The following STAT5A variants were observed in gnomAD, a reference collection of about 807,000 sequenced individuals.
STAT5A encodes the protein signal transducer and activator of transcription 5A.
In STAT5A, 26 loss-of-function variants were observed where a neutral mutation model predicts 100.2. The ratio of observed to expected loss-of-function variants is 0.26; its 90% CI spans 0.19 to 0.36. The LOEUF is 0.36. Ranked by LOEUF, STAT5A falls within the 10% of genes least tolerant of loss-of-function variation. The pLI, the probability that STAT5A is intolerant of heterozygous loss-of-function variation, is 1.00. For missense variants in STAT5A, 634 were observed against 1,027.5 expected, an observed-to-expected ratio of 0.62 and a Z score of 5.24; for synonymous variants, 330 against 424.3, an observed-to-expected ratio of 0.78 and a Z score of 2.73.
In STAT5A at chr17:42,307,396, C is replaced by T; in HGVS notation, c.1681-6C>T. ...AGCCCTGACTCGGGGGTTCCTGGGC[C>T]CTCAGGAGAACTTGCCGGGCTGGAA... On this transcript the variant is annotated splice_polypyrimidine_tract_variant and splice_region_variant and intron_variant, in intron 13 of 18. Transcript: ENST00000590949. 5 of 1,613,248 alleles carry T rather than the reference C, an allele frequency of 3.1e-6. No individual in the cohort carries two copies. Among genetic ancestry groups the T allele is most frequent in the Non-Finnish European group, 4.2e-6 (5 of 1,179,650 alleles).
At chr17:42,291,935 G>C (rs1235886308) in intron 3 of STAT5A, 37 bp from the exon 4 acceptor site, 1 of 1,608,984 alleles carries the variant, frequency 6.2e-7, no homozygotes, top group East Asian at 2.2e-5. Flanking sequence ...GGCTGGAGCA[G>C]AGGATGGCGC....
In STAT5A at chr17:42,289,462, G is replaced by T. The variant is rs2080847918; in HGVS notation, c.51G>T (p.Gln17His). 3 of 1,612,978 alleles carry T rather than the reference G, an allele frequency of 1.9e-6. No individual in the cohort carries two copies. The highest frequency in any genetic ancestry group is 1.3e-5 in the African/African-American group (1 of 74,946). ...AQQLQGDALR[Q>H]MQVLYGQHFP... Reference sequence around the variant, plus strand: ...AGCTGCAGGGAGACGCGCTGCGCCAGATGCAGGTGCTGTACGGCCAGCACT... The same window carrying T: ...AGCTGCAGGGAGACGCGCTGCGCCATATGCAGGTGCTGTACGGCCAGCACT... Residue 17 changes from glutamine (Q) to histidine (H), a missense_variant, in exon 2 of 19, where the codon CAG becomes CAT. This residue lies in a region of STAT5A where 207 missense variants were observed against 256.6 expected (regional missense o/e 0.81). Transcript: ENST00000590949.
In STAT5A at chr17:42,305,675, G is replaced by T. The variant is rs1368325149; in HGVS notation, c.1446G>T (p.Val482=). ...AGGACCACAATGCCACGGCTACTGTGCTGTGGGACAATGCCTTTGCTGAGC... is the reference window on the plus strand; with the variant it reads ...AGGACCACAATGCCACGGCTACTGTTCTGTGGGACAATGCCTTTGCTGAGC... ...GSQDHNATAT[V]LWDNAFAEPG... Residue 482 remains valine, a synonymous_variant, in exon 12 of 19, where the codon GTG becomes GTT. Coordinates refer to ENST00000590949, the MANE Select transcript of STAT5A (RefSeq NM_001288718.2). 6.2e-7 allele frequency: 1 copy of T among 1,614,044 alleles called. No individual in the cohort carries two copies. The highest frequency in any genetic ancestry group is 1.3e-5 in the African/African-American group (1 of 74,922).
In STAT5A at chr17:42,309,494, G is replaced by A; in HGVS notation, c.2222+10G>A. ...ACATGTACCCACAGAAGTAGGTGGT[G>A]TTCTCATGGGGTCCGCAGGGGAAGA... On this transcript the variant is annotated intron_variant, in intron 18 of 18. Transcript: ENST00000590949. The A allele has an allele frequency of 6.2e-7, 1 of 1,613,026 alleles. No individual in the cohort carries two copies. Among genetic ancestry groups the A allele is most frequent in the Non-Finnish European group, 8.5e-7 (1 of 1,179,270 alleles).
At chr17:42,292,479 C>T (rs976691998) in intron 4 of STAT5A, among the ~76,000 whole-genome samples, 20 of 151,894 alleles carry the variant, frequency 1.3e-4, no homozygotes, top group Admixed American at 9.8e-4. Flanking sequence ...CAGGCGCCCA[C>T]CACCATGCCC....
Position 42,300,769 on chromosome 17 carries a change from T to G in STAT5A, c.888T>G (p.Ala296=). The G allele has an allele frequency of 6.2e-7, 1 of 1,613,024 alleles. No homozygotes were observed. The highest frequency in any genetic ancestry group is 8.5e-7 in the Non-Finnish European group (1 of 1,179,570). The part of the protein sequence containing the change: ...IWQNRQQIRR[A]EHLCQQLPIP... ...AGAACCGGCAGCAGATCCGCAGGGC[T>G]GAGCACCTCTGCCAGCAGCTGCCCA... The change falls in exon 8 of 19, where the codon GCT becomes GCG. Residue 296 remains alanine (A), a synonymous_variant. Transcript: ENST00000590949.
At position 42,292,020 on chromosome 17, in the gene STAT5A, AT is replaced by A. The variant is rs1209566098; in HGVS notation, c.336del (p.Leu113CysfsTer50). The A allele has an allele frequency of 6.2e-7, 1 of 1,614,044 alleles. No individual in the cohort carries two copies. Among genetic ancestry groups the A allele is most frequent in the South Asian group, 1.1e-5 (1 of 91,084 alleles). ...PLELVRCIRH[I>X]LYNEQRLVRE... ...GGAGCTGGTCCGCTGCATCCGGCAC[AT>A]TCTGTACAATGAACAGAGGCTGGTC... is the stretch of plus-strand genomic sequence containing the variant. On this transcript the variant is annotated frameshift_variant, in exon 4 of 19. Transcript: ENST00000590949. LOFTEE classifies it high-confidence loss of function.
intron 1 of STAT5A, 162 bp from the exon 2 acceptor site, chr17:42,289,240 C>A: frequency 1.3e-6 from 1 of 749,836 alleles, no homozygotes; most frequent in Non-Finnish European, 2.0e-6. Context: ...GGCGGCCCTC[C>A]ACTCCTCACC....
chr17:42,289,689 C>G (rs764169272), intron 2 of STAT5A, 150 bp downstream of exon 2: 2 of 1,412,416 alleles, frequency 1.4e-6, no homozygotes, highest in Non-Finnish European at 1.9e-6. Flanking sequence ...AAGGGGAAGC[C>G]TGGGAGGACA....
rs189092841 is a variant in STAT5A at position 42,297,942 on chromosome 17, G to C, written c.551-1809G>C. On this transcript the variant is annotated intron_variant, in intron 5 of 18. Coordinates refer to ENST00000590949, the MANE Select transcript of STAT5A (RefSeq NM_001288718.2). ...GAGCTCGACCAAGACATGCTGGTGC[G>C]CGCATCTTCTGACTCAGCTCAAGCA... Among the ~76,000 whole-genome samples the C allele has an allele frequency of 3.3e-5, 5 of 151,490 alleles. 1 individual carries two copies. The highest frequency in any genetic ancestry group is 1.2e-4 in the African/African-American group (5 of 41,080).
At position 42,310,721 on chromosome 17, in the gene STAT5A, C is replaced by T. The variant is rs554089116; in HGVS notation, c.*52C>T. Reference sequence around the variant, plus strand: ...GAAACAATATGCAATGTGAAGCGGTCGTGTTGTGAGTTTAGTAAGGCTGTG... The same window carrying T: ...GAAACAATATGCAATGTGAAGCGGTTGTGTTGTGAGTTTAGTAAGGCTGTG... On this transcript the variant is annotated 3_prime_UTR_variant, in exon 19 of 19. Coordinates refer to ENST00000590949, the MANE Select transcript of STAT5A (RefSeq NM_001288718.2). 10 of 1,609,812 alleles carry T rather than the reference C, an allele frequency of 6.2e-6. No homozygotes were observed. The highest frequency in any genetic ancestry group is 3.3e-5 in the Admixed American group (2 of 59,874).
At chr17:42,295,827 G>T (rs2080913707) in intron 5 of STAT5A, 34 bp downstream of exon 5, 1 of 1,608,792 alleles carries the variant, frequency 6.2e-7, no homozygotes, top group African/African-American at 1.3e-5. Context: ...GCATCCGGAG[G>T]GTGGGAGTGA....
intron 3 of STAT5A, among the ~76,000 whole-genome samples, chr17:42,291,506 C>G (rs1298511255): frequency 6.6e-6 from 1 of 152,010 alleles, no homozygotes; most frequent in African/African-American, 2.4e-5. Flanking sequence ...CACCTGAGGT[C>G]GGGAGTTCGA....
chr17:42,292,752 G>A (rs2080882936), intron 4 of STAT5A, among the ~76,000 whole-genome samples: 2 of 151,382 alleles, frequency 1.3e-5, no homozygotes, highest in Admixed American at 1.3e-4. Context: ...TCAGCCTCCC[G>A]AGTAGCTGGG....
At position 42,310,586 on chromosome 17, in the gene STAT5A, T is replaced by C. The variant is rs1018174304; in HGVS notation, c.2302T>C (p.Leu768=). ...TGTGGCCAGGCACGTGGAGGAACTC[T>C]TACGCCGACCAATGGACAGTCTTGA... ...MDVARHVEEL[L]RRPMDSLDSR... The change falls in exon 19 of 19, where the codon TTA becomes CTA. Residue 768 remains leucine, a synonymous_variant. Coordinates refer to ENST00000590949, the MANE Select transcript of STAT5A (RefSeq NM_001288718.2). 8.1e-6 allele frequency: 13 copies of C among 1,614,236 alleles called. No homozygotes were observed. In the African/African-American group the frequency reaches 9.3e-5, roughly 12 times the overall value.
At chr17:42,306,485 C>T in intron 13 of STAT5A, 38 bp downstream of exon 13, 1 of 1,581,436 alleles carries the variant, frequency 6.3e-7, no homozygotes, top group Non-Finnish European at 8.6e-7. Flanking sequence ...CCAGGGCCCA[C>T]CGGGGTCTGT....
intron 4 of STAT5A, among the ~76,000 whole-genome samples, chr17:42,294,672 C>A (rs1567688061): frequency 6.6e-6 from 1 of 152,190 alleles, no homozygotes; most frequent in Non-Finnish European, 1.5e-5. Context: ...ACAATAAGTG[C>A]AAGGGCCCCA....
intron 1 of STAT5A, 103 bp from the exon 2 acceptor site, chr17:42,289,299 G>T: frequency 7.5e-7 from 1 of 1,332,370 alleles, no homozygotes; most frequent in South Asian, 1.6e-5. Flanking sequence ...GAGGGGCCTG[G>T]CCTGGCCGCG....
At chr17:42,301,131 G>T in intron 8 of STAT5A, 144 bp from the exon 9 acceptor site, 1 of 1,414,708 alleles carries the variant, frequency 7.1e-7, no homozygotes. Flanking sequence ...GACTCTCACA[G>T]CTTCCCCGGG....
Sources: allele counts gnomAD v4.1 joint callset (sites outside exome capture counted in the v4.1 genomes callset), GRCh38; gene constraint gnomAD v4.1.1; regional missense constraint gnomAD v4.1.1; transcripts MANE v1.5; gene names NCBI Gene and HGNC (gene_info 2026-07-23, HGNC 2026-07-21).